Variants in NAT1 observed in about 807,000 individuals in gnomAD.
NAT1 encodes arylamine N-acetyltransferase 1.
For missense variants in NAT1, 400 were observed against 339.2 expected, an observed-to-expected ratio of 1.18 and a Z score of -1.41; for synonymous variants, 144 against 122.6, an observed-to-expected ratio of 1.17 and a Z score of -1.16.
chr8:18,198,800 C>T (rs1373928555), intron 2 of NAT1, among the ~76,000 whole-genome samples: 4 of 152,100 alleles, frequency 2.6e-5, no homozygotes. Flanking sequence ...GTGAAATGGT[C>T]ACTTCTGTGG....
At chr8:18,216,822 G>T in intron 1 of NAT1, 1 of 1,058,624 alleles carries the variant, frequency 9.4e-7, no homozygotes. Context: ...AATAGGATGT[G>T]GCACAAAAAT....
chr8:18,190,953 G>A (rs1802957726), intron 2 of NAT1, among the ~76,000 whole-genome samples: 1 of 152,006 alleles, frequency 6.6e-6, no homozygotes, highest in South Asian at 2.1e-4. Context: ...TGTAATCCCA[G>A]CTACACGGGA....
upstream of NAT1, among the ~76,000 whole-genome samples, chr8:18,206,881 C>G (rs1356992334): frequency 6.6e-6 from 1 of 152,018 alleles, no homozygotes. Flanking sequence ...TTTAATTAGA[C>G]CCCATTTGTC....
intron 2 of NAT1, among the ~76,000 whole-genome samples, chr8:18,219,769 A>G (rs1589125719): frequency 6.6e-6 from 1 of 152,220 alleles, no homozygotes; most frequent in Non-Finnish European, 1.5e-5. Context: ...GTTACAACAT[A>G]TTGCTCTATC....
At chr8:18,220,659 T>G (rs542807439) in intron 2 of NAT1, among the ~76,000 whole-genome samples, 17 of 150,160 alleles carry the variant, frequency 1.1e-4, no homozygotes, top group African/African-American at 3.9e-4. Context: ...CATCTCTTGG[T>G]AAACTTGGTG....
chr8:18,189,009 A>AAAAAAAAAAGAAAG (rs1329509282), intron 2 of NAT1, among the ~76,000 whole-genome samples: 2 of 149,146 alleles, frequency 1.3e-5, no homozygotes, highest in Non-Finnish European at 3.0e-5. Flanking sequence ...AAAAAAAAAA[A>AAAAAAAAAAGAAAG]AAAGAAAGAA....
chr8:18,192,405 G>C (rs1250088078), intron 2 of NAT1, among the ~76,000 whole-genome samples: 3 of 152,292 alleles, frequency 2.0e-5, no homozygotes, highest in Middle Eastern at 3.4e-3. Context: ...CTGTCAACTA[G>C]TTCAACCATT....
intron 2 of NAT1, among the ~76,000 whole-genome samples, chr8:18,174,968 C>T (rs1018479310): frequency 3.3e-5 from 5 of 152,124 alleles, no homozygotes; most frequent in African/African-American, 7.2e-5. Flanking sequence ...GTATGTACAA[C>T]GCTGTGTTGA....
At chr8:18,202,979 T>C (rs1428149117) in intron 2 of NAT1, among the ~76,000 whole-genome samples, 1 of 152,286 alleles carries the variant, frequency 6.6e-6, no homozygotes, top group South Asian at 2.1e-4. Flanking sequence ...AGAGTACTGA[T>C]TGGTGCGTTT....
chr8:18,207,538 G>C (rs1010639163), upstream of NAT1, among the ~76,000 whole-genome samples: 2 of 152,196 alleles, frequency 1.3e-5, no homozygotes, highest in Non-Finnish European at 2.9e-5. Flanking sequence ...CTGATCATTA[G>C]AGAAATGCAA....
At chr8:18,198,795 A>G (rs1454432617) in intron 2 of NAT1, among the ~76,000 whole-genome samples, 1 of 152,088 alleles carries the variant, frequency 6.6e-6, no homozygotes, top group African/African-American at 2.4e-5. Context: ...ACACAGTGAA[A>G]TGGTCACTTC....
intron 1 of NAT1, among the ~76,000 whole-genome samples, chr8:18,219,145 G>A (rs1424271347): frequency 6.6e-6 from 1 of 152,066 alleles, no homozygotes; most frequent in African/African-American, 2.4e-5. Context: ...GTTGCCTCGG[G>A]AGGCTGTGGA....
At chr8:18,214,711 C>T in intron 1 of NAT1, among the ~76,000 whole-genome samples, 1 of 151,880 alleles carries the variant, frequency 6.6e-6, no homozygotes, top group African/African-American at 2.4e-5. Context: ...CTTTTAAATC[C>T]AGGGGTACAT....
intron 2 of NAT1, among the ~76,000 whole-genome samples, chr8:18,179,602 C>G (rs6992729): frequency 0.065 from 9,821 of 152,194 alleles, 1,057 homozygotes; most frequent in African/African-American, 0.22. Flanking sequence ...TTAGCAGTCC[C>G]TGCTGGAGTC....
intron 1 of NAT1, among the ~76,000 whole-genome samples, chr8:18,218,195 A>G (rs1292841365): frequency 2.6e-5 from 4 of 152,148 alleles, no homozygotes; most frequent in African/African-American, 9.7e-5. Flanking sequence ...ACGATGTTTC[A>G]ACACTACTAG....
chr8:18,217,186 C>T (rs575187456), intron 1 of NAT1, among the ~76,000 whole-genome samples: 2 of 152,108 alleles, frequency 1.3e-5, no homozygotes, highest in Non-Finnish European at 2.9e-5. Flanking sequence ...GAGGGTGAGC[C>T]ACAAAGGAGA....
rs536895794 is a variant in NAT1, at chr8:18,179,411, A to G, written n.92+8672A>G. Among the ~76,000 whole-genome samples the G allele has an allele frequency of 2.0e-5, 3 of 152,294 alleles. No individual in the cohort carries two copies. The South Asian group carries it at 6.2e-4, about 32-fold the overall frequency. On this transcript the variant is annotated intron_variant and non_coding_transcript_variant, in intron 2 of 4. Coordinates refer to the NAT1 transcript ENST00000517441. Reference sequence around the variant, plus strand: ...ATTTTCTATGGCCACTCAAATTAGTAGCATCCTCTTGAGAACCTTGGTTTT... The same window carrying G: ...ATTTTCTATGGCCACTCAAATTAGTGGCATCCTCTTGAGAACCTTGGTTTT...
intron 1 of NAT1, chr8:18,216,955 A>G (rs574170756): frequency 5.2e-6 from 8 of 1,551,306 alleles, no homozygotes; most frequent in Non-Finnish European, 7.0e-6. Flanking sequence ...GCTGTTGGCT[A>G]TAATAGCCTA....
chr8:18,201,459 C>T (rs1029804878), intron 2 of NAT1, among the ~76,000 whole-genome samples: 18 of 152,138 alleles, frequency 1.2e-4, no homozygotes, highest in Non-Finnish European at 2.1e-4. Flanking sequence ...TCTTCCTCCT[C>T]CCTGGGTCCT....
Sources: gnomAD v4.1 joint callset for allele counts (sites outside exome capture counted in the v4.1 genomes callset) on GRCh38, gnomAD v4.1.1 for gene constraint, MANE v1.5 for transcripts, NCBI Gene and HGNC (gene_info 2026-07-23, HGNC 2026-07-21) for gene names.